PDE2A: variants seen among roughly 807,000 people sequenced by gnomAD.
The protein encoded by PDE2A is phosphodiesterase 2A.
PDE2A carries 53 observed loss-of-function variants against 133.6 expected under a neutral mutation model. The ratio of observed to expected loss-of-function variants is 0.40; its 90% confidence interval spans 0.32 to 0.50. PDE2A has a LOEUF of 0.50. Ranked by LOEUF, PDE2A falls within the 20% of genes least tolerant of loss-of-function variation. PDE2A has a pLI of 0.73. For missense variants in PDE2A, 796 were observed against 1,232.4 expected (o/e 0.65, Z 5.30); for synonymous variants, 491 against 490.2 (o/e 1.00, Z -0.02).
intron 2 of PDE2A, among the ~76,000 whole-genome samples, chr11:72,636,443 A>C (rs1361474040): frequency 1.3e-5 from 2 of 152,194 alleles, no homozygotes; most frequent in Admixed American, 1.3e-4. Flanking sequence ...GCAGATCTCA[A>C]GTTCCCATGT....
At chr11:72,664,748 A>C (rs1393770798) in intron 1 of PDE2A, among the ~76,000 whole-genome samples, 1 of 151,596 alleles carries the variant, frequency 6.6e-6, no homozygotes, top group Non-Finnish European at 1.5e-5. Context: ...CTTAAAGGTC[A>C]CTCTGTAAAC....
rs115462430 is a variant in PDE2A at position 72,595,313 on chromosome 11, A to G, written c.489+1280T>C. Among the ~76,000 whole-genome samples, 779 of 152,190 alleles carry G rather than the reference A, an allele frequency of 5.1e-3. 4 individuals carry two copies. The highest frequency in any genetic ancestry group is 0.018 in the African/African-American group (742 of 41,532). On this transcript the variant is annotated intron_variant, in intron 6 of 30. Transcript: ENST00000334456. ...ACCTCTGCACACAGCCCCTCACCTC[A>G]GTGCCCCTCAAAGCTGACCAGCCCT...
intron 2 of PDE2A, among the ~76,000 whole-genome samples, chr11:72,618,878 C>T (rs1241421296): frequency 6.6e-6 from 1 of 152,200 alleles, no homozygotes; most frequent in East Asian, 1.9e-4. Context: ...CCAACATAAA[C>T]AGCCCACCTC....
At position 72,577,541 on chromosome 11, in the gene PDE2A, G is replaced by C; in HGVS notation, c.2669C>G (p.Ser890Cys). ...KAAELYERVA[S>C]NREHWTKVSH... Reference sequence around the variant, plus strand: ...CACCTTGGTCCAGTGCTCACGGTTGGAGGCCACGCGCTCGTACAGCTCTGC... The same window carrying C: ...CACCTTGGTCCAGTGCTCACGGTTGCAGGCCACGCGCTCGTACAGCTCTGC... Residue 890 changes from serine (S) to cysteine (C), a missense_variant, in exon 31 of 31, where the codon TCC becomes TGC. This residue lies in a region of PDE2A where 83 missense variants were observed against 99.0 expected (regional missense o/e 0.84). Transcript: ENST00000334456. 1 of 1,610,824 alleles carries C rather than the reference G, an allele frequency of 6.2e-7. No homozygotes were observed. The highest frequency in any genetic ancestry group is 8.5e-7 in the Non-Finnish European group (1 of 1,180,006).
At chr11:72,652,784 GT>G in intron 1 of PDE2A, 1 of 451,380 alleles carries the variant, frequency 2.2e-6, no homozygotes, top group Non-Finnish European at 4.5e-6. Context: ...TCCCAAGCTT[GT>G]GCCTCTTGCA....
rs947920714 is a variant in PDE2A at position 72,576,150 on chromosome 11, G to T, written c.*1234C>A. ...CCCCATGGGGGAGGACTGGTAGAAA[G>T]AAATAGATTTATTCTCATGTACAAA... is the stretch of plus-strand genomic sequence containing the variant. On this transcript the variant is annotated 3_prime_UTR_variant, in exon 31 of 31. Coordinates refer to ENST00000334456, the MANE Select transcript of PDE2A (RefSeq NM_002599.5). The T allele has an allele frequency of 6.6e-6, 1 of 152,342 alleles. No individual in the cohort carries two copies. The highest frequency in any genetic ancestry group is 1.5e-5 in the Non-Finnish European group (1 of 68,064). 9.4% of individuals were successfully genotyped at this position (152,342 alleles called of 1,614,324 possible).
intron 2 of PDE2A, 73 bp from the exon 3 acceptor site, chr11:72,608,824 T>A: frequency 1.3e-6 from 1 of 784,526 alleles, no homozygotes; most frequent in Non-Finnish European, 2.2e-6. Context: ...CAAAGGACTG[T>A]GAGCAAAACC....
At chr11:72,665,293 G>A (rs1170072054) in intron 1 of PDE2A, among the ~76,000 whole-genome samples, 1 of 151,998 alleles carries the variant, frequency 6.6e-6, no homozygotes. Context: ...AGCCCTGCAT[G>A]ATTCAGGATA....
In PDE2A at chr11:72,597,383, A is replaced by T; in HGVS notation, c.433+127T>A. The T allele has an allele frequency of 1.6e-6, 1 of 613,216 alleles. No homozygotes were observed. The highest frequency in any genetic ancestry group is 2.9e-6 in the Non-Finnish European group (1 of 344,308). The allele number at this position is 613,216 out of a possible 1,614,324, so 38.0% of individuals were successfully genotyped here. ...GAGAATTAGATGGAGGGACTGCTAG[A>T]GACACAGAGCAAGAGAAAGAAGGAG... On this transcript the variant is annotated intron_variant, in intron 5 of 30. Transcript: ENST00000334456. This position sits in a 1 kb window ranked among gnomAD's most constrained non-coding sequence, Gnocchi z 4.6.
chr11:72,598,482 T>A (rs1294486351), intron 4 of PDE2A: 3 of 1,286,120 alleles, frequency 2.3e-6, no homozygotes, highest in Non-Finnish European at 3.0e-6. Context: ...CCCCCCAGCC[T>A]CTGGCTCATC....
In PDE2A at chr11:72,584,318, G is replaced by A. The variant is rs1855857586; in HGVS notation, c.1538-5C>T. The stretch of plus-strand genomic sequence containing the variant: ...GCTCGGCCACACCGATGACCTCTGG[G>A]GAAGGGAGAGGGGCAAGGAACCACC... On this transcript the variant is annotated splice_polypyrimidine_tract_variant and splice_region_variant and intron_variant, in intron 18 of 30. Transcript: ENST00000334456. The A allele has an allele frequency of 2.5e-6, 4 of 1,575,576 alleles. No individual in the cohort carries two copies. The highest frequency in any genetic ancestry group is 3.5e-6 in the Non-Finnish European group (4 of 1,145,096).
At chr11:72,616,123 T>C (rs1857460070) in intron 2 of PDE2A, among the ~76,000 whole-genome samples, 1 of 152,084 alleles carries the variant, frequency 6.6e-6, no homozygotes, top group Non-Finnish European at 1.5e-5. Context: ...GGACGCTGAG[T>C]GTCCCGCTGG....
intron 5 of PDE2A, 73 bp from the exon 6 acceptor site, chr11:72,596,721 T>A: frequency 1.0e-6 from 1 of 956,582 alleles, no homozygotes; most frequent in Non-Finnish European, 1.5e-6. Flanking sequence ...GGGACCCAGG[T>A]GGGGGAGACA....
chr11:72,599,514 G>A (rs1217947702), intron 4 of PDE2A, among the ~76,000 whole-genome samples: 1 of 151,978 alleles, frequency 6.6e-6, no homozygotes, highest in African/African-American at 2.4e-5. Flanking sequence ...TCCGATCAGT[G>A]AGTCACCTCC....
intron 1 of PDE2A, among the ~76,000 whole-genome samples, chr11:72,653,066 G>A (rs1284931461): frequency 6.6e-6 from 1 of 152,250 alleles, no homozygotes; most frequent in African/African-American, 2.4e-5. Flanking sequence ...CCGTCGCTAT[G>A]GAAGCCAGGT....
At chr11:72,641,492 A>G (rs1858949334) in intron 2 of PDE2A, among the ~76,000 whole-genome samples, 1 of 152,246 alleles carries the variant, frequency 6.6e-6, no homozygotes, top group Admixed American at 6.5e-5. Flanking sequence ...AGATAGACCA[A>G]GAGAGGTGGG....
chr11:72,584,169 A>ACCCCCCCCCCCC, intron 19 of PDE2A, 32 bp downstream of exon 19: 3 of 877,940 alleles, frequency 3.4e-6, no homozygotes, highest in East Asian at 2.8e-5. Context: ...GCCCCCTATC[A>ACCCCCCCCCCCC]CCCCACACCC....
chr11:72,592,285 C>A (rs1171407281), intron 6 of PDE2A, among the ~76,000 whole-genome samples: 1 of 152,198 alleles, frequency 6.6e-6, no homozygotes. Context: ...TCACCACCTG[C>A]AGAGCTCCCC....
At chr11:72,604,647 C>T (rs1856895527) in intron 4 of PDE2A, among the ~76,000 whole-genome samples, 1 of 152,182 alleles carries the variant, frequency 6.6e-6, no homozygotes, top group Admixed American at 6.5e-5. Context: ...AGCTAGTAAA[C>T]AGGGAGCTGA....
Sources: gnomAD v4.1 joint callset for allele counts (sites outside exome capture counted in the v4.1 genomes callset) on GRCh38, gnomAD v4.1.1 for gene constraint, gnomAD v4.1.1 regional missense constraint, Gnocchi (gnomAD v3.1) non-coding constraint, MANE v1.5 for transcripts, NCBI Gene and HGNC (gene_info 2026-07-23, HGNC 2026-07-21) for gene names.